Variants in TMEM132B observed in about 807,000 individuals in gnomAD.
TMEM132B encodes transmembrane protein 132B.
A neutral mutation model predicts 90.8 loss-of-function variants in TMEM132B; 18 were observed. That is an observed-to-expected ratio of 0.20 (90% confidence interval 0.14 to 0.29). The LOEUF (loss-of-function observed/expected upper bound fraction) is 0.29, where lower values mean the gene tolerates loss of function less well. Ranked by LOEUF, TMEM132B falls within the 10% of genes least tolerant of loss-of-function variation. The probability of loss-of-function intolerance (pLI) is 1.00; values close to 1 mark genes in which losing one functional copy is unlikely to be tolerated. For synonymous variants in TMEM132B, 504 were observed against 523.3 expected (o/e 0.96, Z 0.50); for missense variants, 1,096 against 1,326.8 (o/e 0.83, Z 2.70).
intron 5 of TMEM132B, among the ~76,000 whole-genome samples, chr12:125,608,334 A>G (rs1466885093): frequency 6.6e-6 from 1 of 152,206 alleles, no homozygotes; most frequent in Non-Finnish European, 1.5e-5. Context: ...TCTAATGGCT[A>G]ATGATATTAA....
rs1874202404 is a variant in TMEM132B, at chr12:125,246,134, T to C, written c.67+59268T>C. ...CGCTGCCTCTCCAGTGATCCAGTGA[T>C]CCTGCTGGCTTTCCGCTTCATGACA... On this transcript the variant is annotated intron_variant, in intron 1 of 8. Coordinates refer to ENST00000682704, the MANE Select transcript of TMEM132B (RefSeq NM_001366854.1). This position sits in a 1 kb window ranked among gnomAD's most constrained non-coding sequence, Gnocchi z 4.2. 6.6e-6 allele frequency among the ~76,000 whole-genome samples: 1 copy of C among 152,242 alleles called. No homozygotes were observed. Among genetic ancestry groups the C allele is most frequent in the South Asian group, 2.1e-4 (1 of 4,828 alleles).
At chr12:125,543,039 A>T (rs1883995988) in intron 4 of TMEM132B, among the ~76,000 whole-genome samples, 1 of 152,154 alleles carries the variant, frequency 6.6e-6, no homozygotes, top group African/African-American at 2.4e-5. Context: ...TCAGTCACTT[A>T]TTTCAGTTGC....
intron 2 of TMEM132B, among the ~76,000 whole-genome samples, chr12:125,381,234 A>T (rs1435089061): frequency 6.6e-6 from 1 of 152,142 alleles, no homozygotes; most frequent in East Asian, 1.9e-4. Flanking sequence ...TCCCATAGAC[A>T]TCTCATGCTG....
At chr12:125,516,456 A>G (rs1883165690) in intron 3 of TMEM132B, among the ~76,000 whole-genome samples, 1 of 152,220 alleles carries the variant, frequency 6.6e-6, no homozygotes, top group Admixed American at 6.5e-5. Flanking sequence ...GATTGAGAGA[A>G]ATGACTTTAA....
chr12:125,383,722 A>G (rs1878748008), intron 2 of TMEM132B, among the ~76,000 whole-genome samples: 1 of 152,252 alleles, frequency 6.6e-6, no homozygotes, highest in African/African-American at 2.4e-5. Flanking sequence ...ACTCATGATA[A>G]ATAGATGGCA....
chr12:125,193,796 A>G (rs984776351), intron 1 of TMEM132B, among the ~76,000 whole-genome samples: 8 of 152,232 alleles, frequency 5.3e-5, no homozygotes, highest in Admixed American at 2.0e-4. Context: ...AAAGAGACAA[A>G]TCCCACACTC....
At chr12:125,401,847 G>T (rs1879330361) in intron 2 of TMEM132B, among the ~76,000 whole-genome samples, 1 of 151,838 alleles carries the variant, frequency 6.6e-6, no homozygotes, top group Non-Finnish European at 1.5e-5. Context: ...TCTTCCTTGA[G>T]AAATGAAATA....
chr12:125,243,527 A>C (rs2136095171), intron 1 of TMEM132B, among the ~76,000 whole-genome samples: 1 of 152,148 alleles, frequency 6.6e-6, no homozygotes, highest in Admixed American at 6.5e-5. Flanking sequence ...GCTGGTCTCG[A>C]ACTCCTGACC....
chr12:125,275,036 A>G (rs1384730731), intron 1 of TMEM132B, among the ~76,000 whole-genome samples: 2 of 152,228 alleles, frequency 1.3e-5, no homozygotes, highest in Non-Finnish European at 2.9e-5. Context: ...CATCTGTTCG[A>G]CTGCCACTCA....
At chr12:125,308,865 T>C (rs1876058548) in intron 1 of TMEM132B, among the ~76,000 whole-genome samples, 1 of 152,190 alleles carries the variant, frequency 6.6e-6, no homozygotes, top group African/African-American at 2.4e-5. Flanking sequence ...GATCATGAAT[T>C]TAATGTTTTT....
intron 1 of TMEM132B, among the ~76,000 whole-genome samples, chr12:125,278,736 C>G (rs537123731): frequency 3.3e-5 from 5 of 152,052 alleles, no homozygotes; most frequent in Non-Finnish European, 7.4e-5. Flanking sequence ...GAAACACTGG[C>G]CTTCCCTGTC....
chr12:125,484,462 C>T (rs1357747317), intron 3 of TMEM132B, among the ~76,000 whole-genome samples: 4 of 152,018 alleles, frequency 2.6e-5, no homozygotes, highest in African/African-American at 7.2e-5. Context: ...GATGGTCAGC[C>T]GATCAGATGC....
At chr12:125,412,452 C>A (rs532489484) in intron 2 of TMEM132B, among the ~76,000 whole-genome samples, 1 of 152,270 alleles carries the variant, frequency 6.6e-6, no homozygotes, top group African/African-American at 2.4e-5. Context: ...AAAAGAAATC[C>A]TCTGTTAATG....
At chr12:125,243,114 T>C (rs1874124204) in intron 1 of TMEM132B, among the ~76,000 whole-genome samples, 1 of 143,018 alleles carries the variant, frequency 7.0e-6, no homozygotes, top group Non-Finnish European at 1.5e-5. Flanking sequence ...TATACACATA[T>C]ATATATATAC....
intron 3 of TMEM132B, among the ~76,000 whole-genome samples, chr12:125,421,619 T>C (rs1049304310): frequency 1.3e-5 from 2 of 152,176 alleles, no homozygotes; most frequent in African/African-American, 4.8e-5. Context: ...AGCTACCATA[T>C]TGGAAAATCT....
At chr12:125,478,801 C>CATA (rs1881960580) in intron 3 of TMEM132B, among the ~76,000 whole-genome samples, 1 of 152,138 alleles carries the variant, frequency 6.6e-6, no homozygotes, top group Admixed American at 6.5e-5. Flanking sequence ...CCCCAAGACA[C>CATA]ATAATTGTCA....
At chr12:125,433,977 CAG>C (rs1364363102) in intron 3 of TMEM132B, among the ~76,000 whole-genome samples, 1 of 152,110 alleles carries the variant, frequency 6.6e-6, no homozygotes, top group Admixed American at 6.5e-5. Context: ...GCTGACATAA[CAG>C]ATTATCAAAA....
chr12:125,294,380 T>C (rs1171809762), intron 1 of TMEM132B, among the ~76,000 whole-genome samples: 3 of 152,238 alleles, frequency 2.0e-5, no homozygotes, highest in African/African-American at 7.2e-5. Flanking sequence ...ACCTGGTAAT[T>C]CCACTGCTGG....
intron 4 of TMEM132B, among the ~76,000 whole-genome samples, chr12:125,581,885 A>G (rs1357300171): frequency 6.6e-6 from 1 of 152,142 alleles, no homozygotes; most frequent in Non-Finnish European, 1.5e-5. Context: ...TATGTGCTTT[A>G]ATATAAATAT....
Sources: gnomAD v4.1 joint callset for allele counts (sites outside exome capture counted in the v4.1 genomes callset) on GRCh38, gnomAD v4.1.1 for gene constraint, Gnocchi (gnomAD v3.1) non-coding constraint, MANE v1.5 for transcripts, NCBI Gene and HGNC (gene_info 2026-07-23, HGNC 2026-07-21) for gene names.